The following ABAT variants were observed in gnomAD, a reference collection of about 807,000 sequenced individuals.
ABAT encodes the protein 4-aminobutyrate aminotransferase.
In ABAT, 45 loss-of-function variants were observed where a neutral mutation model predicts 64.6. That is an observed-to-expected ratio of 0.70 (90% CI 0.55 to 0.89). The LOEUF (loss-of-function observed/expected upper bound fraction) is 0.89, where lower values mean the gene tolerates loss of function less well. Ranked by LOEUF, ABAT falls within the 40% of genes least tolerant of loss-of-function variation. The pLI, the probability that ABAT is intolerant of heterozygous loss-of-function variation, is 0.00. For synonymous variants in ABAT, 297 were observed against 250.5 expected (o/e 1.19, Z -1.75); for missense variants, 633 against 658.4 (o/e 0.96, Z 0.42).
chr16:8,727,796 C>T (rs1357353627), intron 1 of ABAT, among the ~76,000 whole-genome samples: 6 of 152,204 alleles, frequency 3.9e-5, no homozygotes, highest in East Asian at 1.9e-4. Flanking sequence ...TGGCCAGGAG[C>T]GGTGGCTCAT....
chr16:8,734,709 A>G (rs144261680), intron 1 of ABAT, among the ~76,000 whole-genome samples: 1 of 152,314 alleles, frequency 6.6e-6, no homozygotes, highest in East Asian at 1.9e-4. Context: ...CTGAGATACA[A>G]ATTTTGTTCT....
intron 1 of ABAT, among the ~76,000 whole-genome samples, chr16:8,716,621 G>A (rs2142131576): frequency 6.6e-6 from 1 of 152,250 alleles, no homozygotes; most frequent in Admixed American, 6.5e-5. Context: ...TTCTCACAAG[G>A]GGCCTCGAAT....
chr16:8,684,197 G>A (rs1383478049), intron 1 of ABAT, among the ~76,000 whole-genome samples: 1 of 152,180 alleles, frequency 6.6e-6, no homozygotes, highest in Non-Finnish European at 1.5e-5. Flanking sequence ...GAAAAGAAGA[G>A]AAAGAGACTC....
chr16:8,769,123 C>A (rs989126680), intron 11 of ABAT, 150 bp downstream of exon 11: 3 of 1,105,644 alleles, frequency 2.7e-6, no homozygotes, highest in East Asian at 5.1e-5. Flanking sequence ...AGAGGCCTTG[C>A]GTCCCAAATG....
chr16:8,708,269 C>A (rs1402607764), intron 1 of ABAT, among the ~76,000 whole-genome samples: 3 of 152,134 alleles, frequency 2.0e-5, no homozygotes, highest in Admixed American at 1.3e-4. Context: ...ACTCAAGAGA[C>A]AGGATCTTGC....
intron 1 of ABAT, among the ~76,000 whole-genome samples, chr16:8,733,438 G>A (rs1268846098): frequency 2.0e-5 from 3 of 151,850 alleles, no homozygotes; most frequent in Non-Finnish European, 4.4e-5. Context: ...GTGGCGGCCG[G>A]GCAGAGGCTG....
chr16:8,783,589 C>T lies in ABAT; in HGVS notation c.*2159C>T, dbSNP rs1222401480. The T allele has an allele frequency of 6.6e-6, 1 of 152,220 alleles. No individual in the cohort carries two copies. The highest frequency in any genetic ancestry group is 2.4e-5 in the African/African-American group (1 of 41,450). The allele number at this position is 152,220 out of a possible 1,614,324, so 9.4% of individuals were successfully genotyped here. A position where few individuals can be genotyped will look rare whatever the true frequency, so the allele number is the denominator to read the frequency against. On this transcript the variant is annotated 3_prime_UTR_variant, in exon 16 of 16. Transcript: ENST00000268251. ...ATCTTTCACTGGGGAAGCCAGTTTC[C>T]ACAGGCAGCATCCCAAGGTTCAATA...
intron 1 of ABAT, among the ~76,000 whole-genome samples, chr16:8,727,833 C>T (rs1040627596): frequency 2.0e-5 from 3 of 152,182 alleles, no homozygotes; most frequent in African/African-American, 7.2e-5. Context: ...GTTTGGGAGT[C>T]CAAGATGGTA....
intron 1 of ABAT, among the ~76,000 whole-genome samples, chr16:8,694,448 G>T (rs1297826141): frequency 6.6e-6 from 1 of 152,086 alleles, no homozygotes; most frequent in Non-Finnish European, 1.5e-5. Context: ...GGAGTGCAGT[G>T]GTGCAATCAA....
intron 1 of ABAT, among the ~76,000 whole-genome samples, chr16:8,703,220 G>A (rs1251786347): frequency 1.3e-5 from 2 of 152,150 alleles, no homozygotes; most frequent in African/African-American, 4.8e-5. Flanking sequence ...GCTGAGGTGG[G>A]TGGATCACCT....
intron 12 of ABAT, 117 bp from the exon 13 acceptor site, chr16:8,774,773 A>T: frequency 7.6e-7 from 1 of 1,308,658 alleles, no homozygotes; most frequent in Non-Finnish European, 1.1e-6. Context: ...TTTGCTCTTC[A>T]GAAAACAAGC....
intron 8 of ABAT, among the ~76,000 whole-genome samples, chr16:8,765,269 A>T (rs1221318840): frequency 6.8e-6 from 1 of 147,540 alleles, no homozygotes; most frequent in Admixed American, 6.7e-5. Context: ...CTGGGAGGTC[A>T]AGGCTGCAGT....
chr16:8,683,024 T>C (rs890742053), intron 1 of ABAT, among the ~76,000 whole-genome samples: 1 of 152,242 alleles, frequency 6.6e-6, no homozygotes, highest in Admixed American at 6.5e-5. Context: ...TCTGTTACCA[T>C]GTAATTGGTG....
Position 8,737,991 on chromosome 16 carries a change from G to GGAAGGAAGAAAGAAAGAAAGAAAGAAA in ABAT, c.70+2185_70+2186insGGAAGAAAGAAAGAAAGAAAGAAAGAA, listed in dbSNP as rs1567295685. On this transcript the variant is annotated intron_variant, in intron 2 of 15. Transcript: ENST00000268251. ...AAGGAAGGAAGGAAGGAAGGAAGGA[G>GGAAGGAAGAAAGAAAGAAAGAAAGAAA]GAAAGAAAGAAAGAAAGAAAGAAAG... 3.9e-3 allele frequency among the ~76,000 whole-genome samples: 58 copies of GGAAGGAAGAAAGAAAGAAAGAAAGAAA among 14,936 alleles called. 11 individuals carry two copies. The highest frequency in any genetic ancestry group is 6.4e-3 in the Non-Finnish European group (52 of 8,096). The allele number at this position is 14,936 out of a possible 152,430, so 9.8% of individuals were successfully genotyped here. A position where few individuals can be genotyped will look rare whatever the true frequency, so the allele number is the denominator to read the frequency against.
At chr16:8,710,897 G>C (rs2058056739) in intron 1 of ABAT, among the ~76,000 whole-genome samples, 1 of 152,152 alleles carries the variant, frequency 6.6e-6, no homozygotes, top group South Asian at 2.1e-4. Flanking sequence ...TAGAACAAGA[G>C]AGAAGACCGA....
chr16:8,700,263 T>C (rs2057791226), intron 1 of ABAT, among the ~76,000 whole-genome samples: 1 of 152,206 alleles, frequency 6.6e-6, no homozygotes, highest in African/African-American at 2.4e-5. Flanking sequence ...ATTGCAAAAT[T>C]AATTTTGGGG....
Position 8,764,690 on chromosome 16 carries a change from A to G in ABAT, c.448-48A>G, listed in dbSNP as rs1362725539. ...AGCTCCAGCCAGGGGAAGCGGGAGG[A>G]CAGGAGTCATGATGAGCCTGGGCTC... is the stretch of plus-strand genomic sequence containing the variant. On this transcript the variant is annotated intron_variant, in intron 7 of 15. Coordinates refer to ENST00000268251, the MANE Select transcript of ABAT (RefSeq NM_020686.6). The surrounding 1 kb of genome is among the most constrained non-coding windows in gnomAD (Gnocchi z 4.2). 1 of 1,541,938 alleles carries G rather than the reference A, an allele frequency of 6.5e-7. No homozygotes were observed.
intron 9 of ABAT, among the ~76,000 whole-genome samples, chr16:8,766,896 C>T (rs975785367): frequency 6.7e-5 from 10 of 150,220 alleles, no homozygotes; most frequent in East Asian, 2.0e-4. Context: ...TTGAACCCGA[C>T]GGGCGCGGAG....
At position 8,782,268 on chromosome 16, in the gene ABAT, G is replaced by C. The variant is rs979117902; in HGVS notation, c.*838G>C. On this transcript the variant is annotated 3_prime_UTR_variant, in exon 16 of 16. Transcript: ENST00000268251. ...ACACACGTGAGCCACAGGGCTAGAA[G>C]CACAGGCCCGTCACCCCAGGAGGAA... The C allele has an allele frequency of 6.6e-6, 1 of 152,366 alleles. No individual in the cohort carries two copies. The highest frequency in any genetic ancestry group is 2.4e-5 in the African/African-American group (1 of 41,452). The allele number at this position is 152,366 out of a possible 1,614,324, so 9.4% of individuals were successfully genotyped here.
Sources: allele counts gnomAD v4.1 joint callset (sites outside exome capture counted in the v4.1 genomes callset), GRCh38; gene constraint gnomAD v4.1.1; non-coding constraint Gnocchi (gnomAD v3.1); transcripts MANE v1.5; gene names NCBI Gene and HGNC (gene_info 2026-07-23, HGNC 2026-07-21).